The following ZBBX variants were observed in gnomAD, a reference collection of about 807,000 sequenced individuals.
The protein encoded by ZBBX is zinc finger B-box domain containing, also known as zinc finger B-box domain-containing protein 1.
ZBBX carries 101 observed loss-of-function variants against 108.5 expected under a neutral mutation model. That is an observed-to-expected ratio of 0.93 (90% CI 0.79 to 1.10). ZBBX has a LOEUF of 1.10. Ranked by LOEUF, ZBBX falls within the 50% of genes least tolerant of loss-of-function variation. The pLI is 0.00. For missense variants in ZBBX, 1,009 were observed against 941.4 expected (o/e 1.07, Z -0.94); for synonymous variants, 356 against 323.4 (o/e 1.10, Z -1.08).
At chr3:167,272,488 C>A (rs897037451) in intron 20 of ZBBX, among the ~76,000 whole-genome samples, 1 of 152,176 alleles carries the variant, frequency 6.6e-6, no homozygotes, top group African/African-American at 2.4e-5. Flanking sequence ...ACAGCAGAGA[C>A]TTGACACTTG....
chr3:167,321,753 T>G (rs2108321507), intron 12 of ZBBX, among the ~76,000 whole-genome samples: 1 of 152,186 alleles, frequency 6.6e-6, no homozygotes, highest in East Asian at 1.9e-4. Context: ...TAAAACTAGA[T>G]TCTGAAAATT....
chr3:167,183,455 C>T, the ZBBX span, among the ~76,000 whole-genome samples: 5 of 152,204 alleles, frequency 3.3e-5, no homozygotes, highest in Admixed American at 1.3e-4. Context: ...AGACCCTAAC[C>T]CAGCGGCGCT....
At chr3:167,302,322 C>T (rs1359284541) in intron 17 of ZBBX, among the ~76,000 whole-genome samples, 1 of 152,092 alleles carries the variant, frequency 6.6e-6, no homozygotes, top group Non-Finnish European at 1.5e-5. Flanking sequence ...ATTTTTGCTA[C>T]AATATATCTG....
At chr3:167,219,881 A>G in the ZBBX span, among the ~76,000 whole-genome samples, 1 of 151,952 alleles carries the variant, frequency 6.6e-6, no homozygotes, top group African/African-American at 2.4e-5. Flanking sequence ...TAAAGGAAAG[A>G]CCCAAATAAA....
At chr3:167,212,394 T>A in the ZBBX span, among the ~76,000 whole-genome samples, 1 of 152,096 alleles carries the variant, frequency 6.6e-6, no homozygotes, top group Middle Eastern at 3.2e-3. Context: ...TAGGAACAAC[T>A]GAAAGCCTCT....
the ZBBX span, among the ~76,000 whole-genome samples, chr3:167,218,641 A>T: frequency 2.6e-5 from 4 of 152,116 alleles, no homozygotes; most frequent in African/African-American, 9.6e-5. Flanking sequence ...CAAAAAAATA[A>T]AAAGCAAGAA....
the ZBBX span, among the ~76,000 whole-genome samples, chr3:167,224,603 C>A: frequency 1.3e-5 from 2 of 151,766 alleles, no homozygotes; most frequent in Non-Finnish European, 1.5e-5. Context: ...TAAGTAAATA[C>A]GTTTGGAAAA....
Position 167,359,986 on chromosome 3 carries a change from G to A in ZBBX, c.323-7C>T, listed in dbSNP as rs756684432. ...ACTGTTGGTTTCACTGGCTCTGCAA[G>A]ATAAAAAATAATATTACTCCAATCA... On this transcript the variant is annotated splice_region_variant and splice_polypyrimidine_tract_variant and intron_variant, in intron 7 of 21. Transcript: ENST00000675490. The A allele has an allele frequency of 6.7e-7, 1 of 1,500,326 alleles. No individual in the cohort carries two copies. Among genetic ancestry groups the A allele is most frequent in the Non-Finnish European group, 9.1e-7 (1 of 1,099,884 alleles). 92.9% of individuals were successfully genotyped at this position (1,500,326 alleles called of 1,614,324 possible). A position where few individuals can be genotyped will look rare whatever the true frequency, so the allele number is the denominator to read the frequency against.
chr3:167,254,430 G>A (rs761828256), intron 20 of ZBBX, among the ~76,000 whole-genome samples: 6 of 152,054 alleles, frequency 3.9e-5, no homozygotes, highest in Admixed American at 2.0e-4. Flanking sequence ...ACCAAAAAAT[G>A]TCAAAGAAAA....
At chr3:167,246,054 C>G (rs1009100113) in intron 20 of ZBBX, among the ~76,000 whole-genome samples, 1 of 152,026 alleles carries the variant, frequency 6.6e-6, no homozygotes, top group African/African-American at 2.4e-5. Context: ...TTGCCCAGAG[C>G]CTCAGTTATT....
chr3:167,245,691 C>T (rs1225909175), intron 20 of ZBBX, among the ~76,000 whole-genome samples: 1 of 152,126 alleles, frequency 6.6e-6, no homozygotes, highest in African/African-American at 2.4e-5. Flanking sequence ...CACTTCTCAT[C>T]CACCCCTTCC....
At chr3:167,262,159 G>A (rs902129544) in intron 20 of ZBBX, among the ~76,000 whole-genome samples, 1 of 151,750 alleles carries the variant, frequency 6.6e-6, no homozygotes, top group Non-Finnish European at 1.5e-5. Context: ...GGAAGAGGGG[G>A]TCTCTCTTTC....
Position 167,240,683 on chromosome 3 carries a change from C to A in ZBBX, c.*110G>T. On this transcript the variant is annotated 3_prime_UTR_variant, in exon 22 of 22. Coordinates refer to ENST00000675490, the MANE Select transcript of ZBBX (RefSeq NM_001199201.2). ...GTTTGTAGCCTTGAAACATCAAAGA[C>A]ATTAGTAATCAAAATCTCCAGCACT... 2.3e-6 allele frequency: 3 copies of A among 1,297,382 alleles called. No homozygotes were observed. The South Asian group carries it at 4.4e-5, about 19-fold the overall frequency. The allele number at this position is 1,297,382 out of a possible 1,614,324, so 80.4% of individuals were successfully genotyped here.
chr3:167,381,467 T>A (rs536651329), upstream of ZBBX: 1 of 152,192 alleles, frequency 6.6e-6, no homozygotes, highest in African/African-American at 2.4e-5. Flanking sequence ...CAGGCCCATA[T>A]TGAGTGCTTA....
At chr3:167,364,317 C>A (rs79573605) in intron 6 of ZBBX, among the ~76,000 whole-genome samples, 1 of 151,976 alleles carries the variant, frequency 6.6e-6, no homozygotes, top group Admixed American at 6.6e-5. Flanking sequence ...AAACACTAGT[C>A]TAAATAGATA....
At chr3:167,257,591 G>A (rs1723745941) in intron 20 of ZBBX, among the ~76,000 whole-genome samples, 1 of 152,134 alleles carries the variant, frequency 6.6e-6, no homozygotes, top group East Asian at 1.9e-4. Flanking sequence ...TTTCATCATG[G>A]AGGGACGTTA....
chr3:167,282,560 C>G (rs982019937), intron 19 of ZBBX, 65 bp from the exon 20 acceptor site: 62 of 1,370,444 alleles, frequency 4.5e-5, no homozygotes, highest in Non-Finnish European at 8.1e-6. Flanking sequence ...CTTAAAGATA[C>G]AAAATACCAG....
chr3:167,328,462 G>A (rs775022570), intron 10 of ZBBX, among the ~76,000 whole-genome samples: 4 of 148,192 alleles, frequency 2.7e-5, no homozygotes, highest in Non-Finnish European at 4.5e-5. Context: ...CCTACTCCCC[G>A]CAACCTTCTC....
intron 20 of ZBBX, among the ~76,000 whole-genome samples, chr3:167,269,312 G>A (rs1430520635): frequency 6.6e-6 from 1 of 152,150 alleles, no homozygotes; most frequent in Non-Finnish European, 1.5e-5. Flanking sequence ...AGGGTTTAAA[G>A]CAAAAGTCTT....
Sources: allele counts gnomAD v4.1 joint callset (sites outside exome capture counted in the v4.1 genomes callset), GRCh38; gene constraint gnomAD v4.1.1; transcripts MANE v1.5; gene names NCBI Gene and HGNC (gene_info 2026-07-23, HGNC 2026-07-21).